Variants in VTI1A observed in about 807,000 individuals in gnomAD.
VTI1A encodes vesicle transport through interaction with t-SNAREs homolog 1A.
VTI1A carries 22 observed loss-of-function variants against 34.9 expected under a neutral mutation model. The ratio of observed to expected loss-of-function variants is 0.63; its 90% confidence interval spans 0.45 to 0.90. The LOEUF is 0.90. VTI1A is among the 40% of genes least tolerant of loss of function. The pLI is 0.00. For missense variants in VTI1A, 268 were observed against 275.6 expected (o/e 0.97, Z 0.20); for synonymous variants, 87 against 97.3 (o/e 0.89, Z 0.62).
chr10:112,617,564 CCTT>C (rs1191617608), intron 5 of VTI1A, among the ~76,000 whole-genome samples: 3 of 152,026 alleles, frequency 2.0e-5, no homozygotes, highest in Admixed American at 6.6e-5. Flanking sequence ...AGAACTAACT[CCTT>C]CTGACTATTT....
At chr10:112,791,211 A>G (rs1043519695) in intron 7 of VTI1A, among the ~76,000 whole-genome samples, 2 of 152,280 alleles carry the variant, frequency 1.3e-5, no homozygotes, top group South Asian at 2.1e-4. Context: ...TTTCACTTTC[A>G]TTTATCTCTG....
intron 7 of VTI1A, among the ~76,000 whole-genome samples, chr10:112,768,189 A>G (rs1293958611): frequency 6.6e-6 from 1 of 152,180 alleles, no homozygotes; most frequent in Non-Finnish European, 1.5e-5. Context: ...TTGCATGACG[A>G]GTGTGAGGAT....
At chr10:112,787,023 A>G (rs1367181331) in intron 7 of VTI1A, among the ~76,000 whole-genome samples, 1 of 152,176 alleles carries the variant, frequency 6.6e-6, no homozygotes, top group African/African-American at 2.4e-5. Context: ...TATTTAAGCC[A>G]TCTGGTCCTG....
intron 3 of VTI1A, among the ~76,000 whole-genome samples, chr10:112,520,266 A>G (rs1849965807): frequency 6.6e-6 from 1 of 152,038 alleles, no homozygotes; most frequent in South Asian, 2.1e-4. Context: ...GAATGAAGTA[A>G]TTTAATTGTT....
intron 5 of VTI1A, among the ~76,000 whole-genome samples, chr10:112,607,857 A>G (rs1037629571): frequency 3.9e-5 from 6 of 152,184 alleles, no homozygotes; most frequent in Admixed American, 3.3e-4. Flanking sequence ...TTCATAGGCA[A>G]GTATCCACAT....
At chr10:112,766,178 A>G (rs907782190) in intron 7 of VTI1A, among the ~76,000 whole-genome samples, 1 of 152,218 alleles carries the variant, frequency 6.6e-6, no homozygotes, top group Non-Finnish European at 1.5e-5. Flanking sequence ...GACAAGGTTA[A>G]GCATAAAAGG....
At chr10:112,588,182 G>A (rs1844234620) in intron 5 of VTI1A, among the ~76,000 whole-genome samples, 2 of 152,130 alleles carry the variant, frequency 1.3e-5, no homozygotes, top group South Asian at 2.1e-4. Flanking sequence ...AAAGAAAAAG[G>A]TAGACAGGCA....
intron 7 of VTI1A, among the ~76,000 whole-genome samples, chr10:112,752,115 A>T (rs1851126141): frequency 6.6e-6 from 1 of 152,228 alleles, no homozygotes; most frequent in South Asian, 2.1e-4. Flanking sequence ...TGGTATAGAC[A>T]TAACCATACA....
At chr10:112,841,648 G>A in the VTI1A span, among the ~76,000 whole-genome samples, 2 of 152,152 alleles carry the variant, frequency 1.3e-5, no homozygotes, top group African/African-American at 4.8e-5. Flanking sequence ...TAGAAAGGTG[G>A]TGAAGAATTC....
chr10:112,465,685 G>A (rs937545878), intron 3 of VTI1A, among the ~76,000 whole-genome samples: 1 of 152,108 alleles, frequency 6.6e-6, no homozygotes, highest in African/African-American at 2.4e-5. Context: ...AAAGTAGAAT[G>A]GTAGTTACCG....
chr10:112,673,824 T>C (rs1264729429), intron 7 of VTI1A, among the ~76,000 whole-genome samples: 1 of 152,214 alleles, frequency 6.6e-6, no homozygotes, highest in African/African-American at 2.4e-5. Flanking sequence ...TAAGAGTAAA[T>C]AGACCAGGAA....
chr10:112,717,825 A>G (rs1417507582), intron 7 of VTI1A, among the ~76,000 whole-genome samples: 1 of 152,214 alleles, frequency 6.6e-6, no homozygotes, highest in African/African-American at 2.4e-5. Context: ...CAGGTTGACG[A>G]AGACCAGTGG....
chr10:112,838,903 T>C, the VTI1A span, among the ~76,000 whole-genome samples: 1 of 152,194 alleles, frequency 6.6e-6, no homozygotes, highest in Non-Finnish European at 1.5e-5. Flanking sequence ...GATACTGACT[T>C]TGCAGGGTTG....
At chr10:112,695,388 G>A (rs1355741951) in intron 7 of VTI1A, among the ~76,000 whole-genome samples, 1 of 151,292 alleles carries the variant, frequency 6.6e-6, no homozygotes, top group Non-Finnish European at 1.5e-5. Context: ...TTTTTTAAGG[G>A]TAAGGTATAA....
the VTI1A span, among the ~76,000 whole-genome samples, chr10:112,830,849 A>ATATATATTTTTTTTT: frequency 8.4e-4 from 28 of 33,490 alleles, no homozygotes; most frequent in African/African-American, 2.9e-3. Context: ...ATATATATAT[A>ATATATATTTTTTTTT]TTTTTTTTTT....
chr10:112,548,726 C>G, intron 5 of VTI1A: 1 of 1,380,962 alleles, frequency 7.2e-7, no homozygotes, highest in Admixed American at 1.7e-5. Flanking sequence ...AACTGTCTAT[C>G]TCATATCACG....
chr10:112,531,063 TCA>T (rs10670312), intron 4 of VTI1A, among the ~76,000 whole-genome samples: 6,618 of 139,842 alleles, frequency 0.047, 272 homozygotes, highest in African/African-American at 0.12. Context: ...GTGACACACC[TCA>T]CACACACACA....
At chr10:112,637,883 A>G (rs1846419698) in intron 5 of VTI1A, among the ~76,000 whole-genome samples, 1 of 152,220 alleles carries the variant, frequency 6.6e-6, no homozygotes, top group South Asian at 2.1e-4. Flanking sequence ...GTACGAAAAA[A>G]TTGTCTTGTA....
chr10:112,661,984 C>T (rs1847479183), intron 5 of VTI1A, among the ~76,000 whole-genome samples: 1 of 152,070 alleles, frequency 6.6e-6, no homozygotes, highest in Non-Finnish European at 1.5e-5. Flanking sequence ...GTTGACCAGG[C>T]TGGTCTTGAA....
Sources: gnomAD v4.1 joint callset for allele counts (sites outside exome capture counted in the v4.1 genomes callset) on GRCh38, gnomAD v4.1.1 for gene constraint, MANE v1.5 for transcripts, NCBI Gene and HGNC (gene_info 2026-07-23, HGNC 2026-07-21) for gene names.